PSD3: variants seen among roughly 807,000 people sequenced by gnomAD.
The protein encoded by PSD3 is PH and SEC7 domain-containing protein 3.
A neutral mutation model predicts 105.5 loss-of-function variants in PSD3; 49 were observed. The ratio of observed to expected loss-of-function variants is 0.46; its 90% CI spans 0.37 to 0.59. The LOEUF (loss-of-function observed/expected upper bound fraction) is 0.59. Ranked by LOEUF, PSD3 falls within the 20% of genes least tolerant of loss-of-function variation. The pLI is 0.00. For missense variants in PSD3, 1,561 were observed against 1,263.8 expected (o/e 1.24, Z -3.57); for synonymous variants, 557 against 457.8 (o/e 1.22, Z -2.77).
chr8:19,042,320 G>C (rs1197808898), intron 1 of PSD3, among the ~76,000 whole-genome samples: 1 of 152,152 alleles, frequency 6.6e-6, no homozygotes, highest in Non-Finnish European at 1.5e-5. Flanking sequence ...CAGAGGCTCA[G>C]TGAAATGTGG....
chr8:18,993,927 A>C (rs1246243006), intron 1 of PSD3, among the ~76,000 whole-genome samples: 2 of 152,054 alleles, frequency 1.3e-5, no homozygotes, highest in African/African-American at 4.8e-5. Flanking sequence ...AAAGAGCACT[A>C]TCCCTCAATC....
chr8:18,752,513 ATATGTAATATATATAAT>A (rs1563225004), intron 9 of PSD3, among the ~76,000 whole-genome samples: 91 of 77,420 alleles, frequency 1.2e-3, no homozygotes, highest in African/African-American at 7.7e-3. Flanking sequence ...TATATATAAT[ATATGTAATATATATAAT>A]TATATATTAT....
chr8:19,005,099 C>A (rs1402689767), intron 1 of PSD3, among the ~76,000 whole-genome samples: 4 of 151,956 alleles, frequency 2.6e-5, no homozygotes, highest in Non-Finnish European at 5.9e-5. Flanking sequence ...AAAAGCAAAA[C>A]CACAATGAGA....
chr8:18,636,931 T>C (rs990002904), intron 10 of PSD3, among the ~76,000 whole-genome samples: 2 of 152,220 alleles, frequency 1.3e-5, no homozygotes, highest in South Asian at 2.1e-4. Flanking sequence ...CTCACGTGTA[T>C]ACACACATCT....
intron 1 of PSD3, among the ~76,000 whole-genome samples, chr8:19,059,402 C>T (rs1044313949): frequency 6.6e-6 from 1 of 152,178 alleles, no homozygotes. Context: ...TCATGAGAAG[C>T]ACAAGGAAAG....
At chr8:18,720,747 T>C (rs989784811) in intron 9 of PSD3, among the ~76,000 whole-genome samples, 1 of 152,162 alleles carries the variant, frequency 6.6e-6, no homozygotes, top group African/African-American at 2.4e-5. Context: ...GGAGCGCCGA[T>C]GCATTTGCTC....
At chr8:19,021,165 C>A (rs1158062713) in intron 1 of PSD3, among the ~76,000 whole-genome samples, 1 of 152,138 alleles carries the variant, frequency 6.6e-6, no homozygotes, top group Non-Finnish European at 1.5e-5. Context: ...AACGAGCAGT[C>A]AGTGAAGTAG....
chr8:18,928,194 T>C (rs1391461567), intron 2 of PSD3, among the ~76,000 whole-genome samples: 1 of 152,198 alleles, frequency 6.6e-6, no homozygotes, highest in Non-Finnish European at 1.5e-5. Flanking sequence ...AATGGAATCA[T>C]GCGGGCAGTT....
intron 9 of PSD3, chr8:18,733,368 T>C (rs1803910814): frequency 6.6e-6 from 1 of 152,354 alleles, no homozygotes; most frequent in Non-Finnish European, 1.5e-5. Flanking sequence ...AACTGATAAA[T>C]GGAGGGGGTA....
At chr8:18,669,573 C>T (rs1253860922) in intron 9 of PSD3, among the ~76,000 whole-genome samples, 2 of 152,204 alleles carry the variant, frequency 1.3e-5, no homozygotes, top group Non-Finnish European at 2.9e-5. Context: ...GGAGCATCCA[C>T]AGTGGGGAGG....
intron 9 of PSD3, among the ~76,000 whole-genome samples, chr8:18,691,092 C>T (rs56399428): frequency 2.4e-3 from 372 of 152,182 alleles, no homozygotes; most frequent in Non-Finnish European, 3.5e-3. Context: ...GAGCATCACA[C>T]GCTTTTGATT....
At chr8:19,075,190 C>T (rs1271133056) in intron 1 of PSD3, among the ~76,000 whole-genome samples, 5 of 151,178 alleles carry the variant, frequency 3.3e-5, no homozygotes, top group South Asian at 4.2e-4. Flanking sequence ...TCAAGTGATC[C>T]GCCCACCTCG....
At chr8:18,541,008 C>A (rs2129966992) in intron 15 of PSD3, among the ~76,000 whole-genome samples, 1 of 152,160 alleles carries the variant, frequency 6.6e-6, no homozygotes, top group South Asian at 2.1e-4. Flanking sequence ...CCTCCCTCCC[C>A]TCCCTCACCT....
intron 1 of PSD3, among the ~76,000 whole-genome samples, chr8:19,012,939 A>G (rs568832139): frequency 6.6e-6 from 1 of 152,272 alleles, no homozygotes; most frequent in East Asian, 1.9e-4. Context: ...GGGAATGGCA[A>G]AACGAAACAT....
At chr8:18,556,430 C>G in intron 14 of PSD3, 78 bp from the exon 15 acceptor site, 2 of 1,451,750 alleles carry the variant, frequency 1.4e-6, no homozygotes, top group Admixed American at 4.1e-5. Context: ...TTTAAAAAAT[C>G]CCCTGTGCTG....
At chr8:19,018,230 T>A (rs1427005920), upstream of PSD3, among the ~76,000 whole-genome samples, 5 of 152,212 alleles carry the variant, frequency 3.3e-5, no homozygotes, top group Admixed American at 6.5e-5. Flanking sequence ...CATTTATTAC[T>A]GATAATAACA....
chr8:19,015,356 C>T (rs56990136), upstream of PSD3, among the ~76,000 whole-genome samples: 13,602 of 152,216 alleles, frequency 0.089, 683 homozygotes, highest in African/African-American at 0.11. Context: ...GCCCAGTCTC[C>T]GGTGTGTCTT....
At chr8:18,639,664 A>G (rs1018204112) in intron 10 of PSD3, among the ~76,000 whole-genome samples, 6 of 152,180 alleles carry the variant, frequency 3.9e-5, no homozygotes, top group Non-Finnish European at 8.8e-5. Context: ...ACTCCCGGTC[A>G]TGGCCTTCAG....
chr8:18,968,958 C>T (rs933041916), intron 1 of PSD3, among the ~76,000 whole-genome samples: 1 of 148,796 alleles, frequency 6.7e-6, no homozygotes, highest in Non-Finnish European at 1.5e-5. Context: ...TTTTAAAATG[C>T]AGTGGGGGAT....
Sources: allele counts gnomAD v4.1 joint callset (sites outside exome capture counted in the v4.1 genomes callset), GRCh38; gene constraint gnomAD v4.1.1; transcripts MANE v1.5; gene names NCBI Gene and HGNC (gene_info 2026-07-23, HGNC 2026-07-21).